LINGO2: variants seen among roughly 807,000 people sequenced by gnomAD.
LINGO2 encodes leucine rich repeat and Ig domain containing 2, also known as leucine-rich repeat and immunoglobulin-like domain-containing nogo receptor-interacting protein 2.
A neutral mutation model predicts 30.6 loss-of-function variants in LINGO2; 14 were observed. The ratio of observed to expected loss-of-function variants is 0.46; its 90% confidence interval spans 0.30 to 0.72. The LOEUF (loss-of-function observed/expected upper bound fraction) is 0.72, where lower values mean the gene tolerates loss of function less well. Among genes scored for constraint, LINGO2 ranks in the 30% least tolerant of loss-of-function variants. LINGO2 has a pLI of 0.07. For missense variants in LINGO2, 729 were observed against 751.7 expected (o/e 0.97, Z 0.35); for synonymous variants, 317 against 288.5 (o/e 1.10, Z -1.00).
chr9:28,185,774 T>A (rs192272261), intron 4 of LINGO2, among the ~76,000 whole-genome samples: 7 of 152,246 alleles, frequency 4.6e-5, no homozygotes, highest in Admixed American at 1.3e-4. Context: ...TATGGAAAAA[T>A]TTTTAAAAAC....
the LINGO2 span, among the ~76,000 whole-genome samples, chr9:29,146,595 T>A: frequency 2.6e-5 from 4 of 152,322 alleles, no homozygotes; most frequent in African/African-American, 9.6e-5. Context: ...AAGAAACTAC[T>A]GAGTTTTTAA....
At chr9:28,277,318 G>A (rs899024401) in intron 4 of LINGO2, among the ~76,000 whole-genome samples, 14 of 152,048 alleles carry the variant, frequency 9.2e-5, no homozygotes, top group Non-Finnish European at 7.4e-5. Context: ...CACATAGGAG[G>A]CAAACTTAAC....
At chr9:28,728,215 G>T in the LINGO2 span, among the ~76,000 whole-genome samples, 1 of 152,144 alleles carries the variant, frequency 6.6e-6, no homozygotes, top group South Asian at 2.1e-4. Flanking sequence ...TCTGGCACAG[G>T]AAAGAAGGAA....
the LINGO2 span, among the ~76,000 whole-genome samples, chr9:29,088,731 G>A: frequency 0.23 from 35,008 of 151,906 alleles, 4,530 homozygotes; most frequent in African/African-American, 0.35. Context: ...CAGTTCTTCA[G>A]TTTAAAATGA....
At chr9:28,588,667 T>C (rs191596485) in intron 1 of LINGO2, among the ~76,000 whole-genome samples, 141 of 151,982 alleles carry the variant, frequency 9.3e-4, no homozygotes, top group African/African-American at 3.3e-3. Flanking sequence ...GAATCCAAGA[T>C]ATAAGAGGGA....
At chr9:28,124,172 G>T (rs751465493) in intron 4 of LINGO2, among the ~76,000 whole-genome samples, 4 of 152,140 alleles carry the variant, frequency 2.6e-5, no homozygotes, top group Non-Finnish European at 5.9e-5. Flanking sequence ...TAGTCTGAAG[G>T]ATACCATATG....
chr9:28,349,328 A>C (rs1161818185), intron 3 of LINGO2, among the ~76,000 whole-genome samples: 1 of 144,920 alleles, frequency 6.9e-6, no homozygotes, highest in Non-Finnish European at 1.5e-5. Context: ...CTGAAAACCA[A>C]GGCTCGAGAA....
intron 5 of LINGO2, among the ~76,000 whole-genome samples, chr9:27,998,613 T>C (rs1490279179): frequency 6.6e-6 from 1 of 152,180 alleles, no homozygotes; most frequent in Non-Finnish European, 1.5e-5. Flanking sequence ...ACCCCGTTTC[T>C]ACTAAAAATG....
At chr9:28,708,524 C>T in the LINGO2 span, among the ~76,000 whole-genome samples, 1 of 152,018 alleles carries the variant, frequency 6.6e-6, no homozygotes, top group Admixed American at 6.6e-5. Flanking sequence ...TAATAAAATG[C>T]TTATCTTTGT....
At chr9:28,599,286 G>A (rs150617544) in intron 1 of LINGO2, 129 of 152,146 alleles carry the variant, frequency 8.5e-4, no homozygotes, top group African/African-American at 3.0e-3. Context: ...TTTCCTCATT[G>A]TTTATTTACA....
chr9:28,018,703 G>A (rs911209984), intron 4 of LINGO2, among the ~76,000 whole-genome samples: 1 of 152,048 alleles, frequency 6.6e-6, no homozygotes, highest in Non-Finnish European at 1.5e-5. Flanking sequence ...CACAGATGAA[G>A]GCAAGGTTGA....
At chr9:29,128,226 C>G in the LINGO2 span, among the ~76,000 whole-genome samples, 1 of 151,984 alleles carries the variant, frequency 6.6e-6, no homozygotes, top group South Asian at 2.1e-4. Context: ...ACGGGGACAC[C>G]CTAGGTGATC....
intron 3 of LINGO2, among the ~76,000 whole-genome samples, chr9:28,319,352 T>C (rs185780719): frequency 6.6e-6 from 1 of 152,298 alleles, no homozygotes; most frequent in Non-Finnish European, 1.5e-5. Flanking sequence ...TCTTTACTAC[T>C]CTCTTATATG....
chr9:28,237,527 A>T (rs1234573574), intron 4 of LINGO2, among the ~76,000 whole-genome samples: 1 of 152,172 alleles, frequency 6.6e-6, no homozygotes, highest in Non-Finnish European at 1.5e-5. Flanking sequence ...ATTAAAAAAA[A>T]CAAGGCCCAG....
At chr9:28,257,263 T>C (rs1416940508) in intron 4 of LINGO2, among the ~76,000 whole-genome samples, 1 of 151,904 alleles carries the variant, frequency 6.6e-6, no homozygotes, top group East Asian at 1.9e-4. Context: ...AGTGTAGATT[T>C]AGTATAAAAC....
Position 28,001,451 on chromosome 9 carries a change from T to C in LINGO2, c.-36+10904A>G, listed in dbSNP as rs538231967. Among the ~76,000 whole-genome samples the C allele has an allele frequency of 4.6e-5, 7 of 152,342 alleles. No homozygotes were observed. The South Asian group carries it at 8.3e-4, about 18-fold the overall frequency. ...AGAACCTTGGAGCTCAACTGGTTTATGCCTTTCAACTCCCAGATAAGAAAA... is the reference window on the plus strand; with the variant it reads ...AGAACCTTGGAGCTCAACTGGTTTACGCCTTTCAACTCCCAGATAAGAAAA... On this transcript the variant is annotated intron_variant, in intron 5 of 5. Transcript: ENST00000379992.
chr9:29,188,583 G>A, the LINGO2 span, among the ~76,000 whole-genome samples: 1 of 152,124 alleles, frequency 6.6e-6, no homozygotes, highest in Non-Finnish European at 1.5e-5. Flanking sequence ...TCAATGAGCT[G>A]TTGGGTACAC....
At chr9:28,351,680 A>G (rs920464419) in intron 3 of LINGO2, among the ~76,000 whole-genome samples, 16 of 150,432 alleles carry the variant, frequency 1.1e-4, no homozygotes, top group East Asian at 1.0e-3. Flanking sequence ...TACCAAAGCC[A>G]GGCAGAGACA....
intron 4 of LINGO2, among the ~76,000 whole-genome samples, chr9:28,038,065 C>T (rs1824021772): frequency 6.6e-6 from 1 of 152,174 alleles, no homozygotes; most frequent in Non-Finnish European, 1.5e-5. Flanking sequence ...ACCACCATAC[C>T]ACTTTTTAAT....
Sources: gnomAD v4.1 joint callset for allele counts (sites outside exome capture counted in the v4.1 genomes callset) on GRCh38, gnomAD v4.1.1 for gene constraint, MANE v1.5 for transcripts, NCBI Gene and HGNC (gene_info 2026-07-23, HGNC 2026-07-21) for gene names.